Variants in RPA3 observed in about 807,000 individuals in gnomAD.
The protein encoded by RPA3 is replication protein A3.
A neutral mutation model predicts 13.7 loss-of-function variants in RPA3; 24 were observed. The ratio of observed to expected loss-of-function variants is 1.75; its 90% CI spans 1.27 to 2.46. The LOEUF is 2.46. RPA3 is among the 30% of genes most tolerant of loss of function. RPA3 has a pLI of 0.00. For synonymous variants in RPA3, 59 were observed against 51.2 expected (o/e 1.15, Z -0.65); for missense variants, 183 against 151.0 (o/e 1.21, Z -1.11).
chr7:7,640,384 A>T lies in RPA3; in HGVS notation c.35T>A (p.Ile12Asn). ...VDMMDLPRSR[I>N]NAGMLAQFID... ...GAATTGAGCTAGCATGCCGGCGTTG[A>T]TGCGCGACCTGGGCAAGTCCATCAT... The change falls in exon 5 of 8, where the codon ATC becomes AAC. Residue 12 changes from isoleucine (I) to asparagine (N), a missense_variant. Coordinates refer to ENST00000223129, the MANE Select transcript of RPA3 (RefSeq NM_002947.5). 1 of 1,614,038 alleles carries T rather than the reference A, an allele frequency of 6.2e-7. No individual in the cohort carries two copies. Among genetic ancestry groups the T allele is most frequent in the Non-Finnish European group, 8.5e-7 (1 of 1,180,024 alleles).
intron 2 of RPA3, among the ~76,000 whole-genome samples, chr7:7,700,574 A>G (rs182629966): frequency 6.6e-6 from 1 of 150,930 alleles, no homozygotes; most frequent in Admixed American, 6.6e-5. Flanking sequence ...AAATAAAAAC[A>G]ACAAACAAAC....
In RPA3 at chr7:7,653,375, A is replaced by G. The variant is rs536069353; in HGVS notation, c.-757-12200T>C. On this transcript the variant is annotated intron_variant, in intron 4 of 7. Coordinates refer to ENST00000223129, the MANE Select transcript of RPA3 (RefSeq NM_002947.5). ...TCAGTGATTGAGATCCAAATGATAA[A>G]TTCTTAGTGCAGTTTGTTTATAAGC... is the stretch of plus-strand genomic sequence containing the variant. Among the ~76,000 whole-genome samples, 6 of 152,334 alleles carry G rather than the reference A, an allele frequency of 3.9e-5. No individual in the cohort carries two copies. In the East Asian group the frequency reaches 9.6e-4, roughly 24 times the overall value.
intron 1 of RPA3, among the ~76,000 whole-genome samples, chr7:7,715,821 TATAAA>T (rs993674597): frequency 6.6e-6 from 1 of 152,196 alleles, no homozygotes; most frequent in African/African-American, 2.4e-5. Context: ...GTAGCAGTCA[TATAAA>T]ATAGAATAGC....
At chr7:7,680,584 T>C (rs927167166) in intron 4 of RPA3, among the ~76,000 whole-genome samples, 1 of 152,162 alleles carries the variant, frequency 6.6e-6, no homozygotes, top group African/African-American at 2.4e-5. Context: ...AGAATGTCTT[T>C]GGTATTTTGA....
chr7:7,644,753 C>G (rs1785058190), intron 4 of RPA3, among the ~76,000 whole-genome samples: 1 of 152,064 alleles, frequency 6.6e-6, no homozygotes, highest in African/African-American at 2.4e-5. Flanking sequence ...TGTAGCTTAT[C>G]ATAACTTTTG....
intron 4 of RPA3, among the ~76,000 whole-genome samples, chr7:7,672,539 C>G (rs976443675): frequency 6.6e-6 from 1 of 152,074 alleles, no homozygotes; most frequent in Non-Finnish European, 1.5e-5. Context: ...GCCCATGTGT[C>G]GAGGGCAGGA....
intron 4 of RPA3, among the ~76,000 whole-genome samples, chr7:7,674,988 T>C (rs1365143892): frequency 6.6e-6 from 1 of 152,072 alleles, no homozygotes; most frequent in African/African-American, 2.4e-5. Context: ...TCTGCTTTTT[T>C]CTGTTGTTTT....
chr7:7,681,504 C>T (rs1230815758), intron 4 of RPA3, among the ~76,000 whole-genome samples: 5 of 151,962 alleles, frequency 3.3e-5, no homozygotes, highest in African/African-American at 4.8e-5. Context: ...CTAGTGGTGC[C>T]GAATAAGAAT....
intron 2 of RPA3, among the ~76,000 whole-genome samples, chr7:7,709,216 C>T (rs1780686926): frequency 6.6e-6 from 1 of 152,140 alleles, no homozygotes; most frequent in African/African-American, 2.4e-5. Context: ...AGATTTATCT[C>T]AATTATATGT....
In RPA3 at chr7:7,653,002, T is replaced by C. The variant is rs543186625; in HGVS notation, c.-757-11827A>G. Among the ~76,000 whole-genome samples the C allele has an allele frequency of 5.9e-5, 9 of 152,374 alleles. No individual in the cohort carries two copies. The South Asian group carries it at 1.9e-3, about 32-fold the overall frequency. ...TTTTACATTTATTCTTGCTCCCCAG[T>C]GCTCTAGAGAGTTGTAAAGAGGTGT... On this transcript the variant is annotated intron_variant, in intron 4 of 7. Transcript: ENST00000223129.
intron 2 of RPA3, among the ~76,000 whole-genome samples, chr7:7,711,438 T>A (rs1312012234): frequency 6.6e-6 from 1 of 152,232 alleles, no homozygotes; most frequent in African/African-American, 2.4e-5. Context: ...ATGAAAATTC[T>A]ATCCTTTTCA....
At chr7:7,709,442 T>G (rs1397027427) in intron 2 of RPA3, among the ~76,000 whole-genome samples, 2 of 152,186 alleles carry the variant, frequency 1.3e-5, no homozygotes, top group African/African-American at 4.8e-5. Flanking sequence ...ACTTAAAGCA[T>G]TGCCACCCGA....
At chr7:7,677,451 C>T (rs186835256) in intron 4 of RPA3, among the ~76,000 whole-genome samples, 174 of 152,070 alleles carry the variant, frequency 1.1e-3, no homozygotes, top group African/African-American at 3.8e-3. Flanking sequence ...TCTCTATCTC[C>T]ATGAGTTCAA....
At chr7:7,691,119 T>C (rs1408969407) in intron 2 of RPA3, among the ~76,000 whole-genome samples, 1 of 152,182 alleles carries the variant, frequency 6.6e-6, no homozygotes, top group Non-Finnish European at 1.5e-5. Context: ...CATTGAATAA[T>C]GGTGGTCTTT....
intron 4 of RPA3, among the ~76,000 whole-genome samples, chr7:7,658,096 C>A (rs6955005): frequency 0.2 from 30,995 of 151,336 alleles, 3,679 homozygotes; most frequent in Middle Eastern, 0.37. Context: ...TTCACTCATG[C>A]TTTGGCTCTC....
At chr7:7,652,803 A>C (rs752916166) in intron 4 of RPA3, among the ~76,000 whole-genome samples, 2 of 152,242 alleles carry the variant, frequency 1.3e-5, no homozygotes, top group African/African-American at 4.8e-5. Flanking sequence ...GGAAGTAGTA[A>C]GCCTTCTGAT....
chr7:7,681,444 A>T (rs898768945), intron 4 of RPA3, among the ~76,000 whole-genome samples: 5 of 152,124 alleles, frequency 3.3e-5, no homozygotes, highest in Non-Finnish European at 7.4e-5. Context: ...TTGGACAGAA[A>T]ACCTTTCTCC....
At chr7:7,665,521 A>G (rs974103583) in intron 4 of RPA3, among the ~76,000 whole-genome samples, 4 of 152,232 alleles carry the variant, frequency 2.6e-5, no homozygotes, top group Admixed American at 2.6e-4. Context: ...TAAATTTTTA[A>G]AGAACTTTAT....
At position 7,677,822 on chromosome 7, in the gene RPA3, C is replaced by T. The variant is rs986113682; in HGVS notation, c.-758+8008G>A. 2.2e-3 allele frequency among the ~76,000 whole-genome samples: 333 copies of T among 150,596 alleles called. 2 individuals are homozygous for T. The highest frequency in any genetic ancestry group is 7.7e-3 in the African/African-American group (316 of 41,044). On this transcript the variant is annotated intron_variant, in intron 4 of 7. Transcript: ENST00000223129. ...CCAAGTAGCTGGGACTACAGGCGCC[C>T]GCCACTACGCCCGGCTAATTTTTTG... is the stretch of plus-strand genomic sequence containing the variant.
Sources: gnomAD v4.1 joint callset for allele counts (sites outside exome capture counted in the v4.1 genomes callset) on GRCh38, gnomAD v4.1.1 for gene constraint, MANE v1.5 for transcripts, NCBI Gene and HGNC (gene_info 2026-07-23, HGNC 2026-07-21) for gene names.